Variants in TCF12 observed in about 807,000 individuals in gnomAD.
TCF12 encodes DNA-binding protein HTF4.
Under a neutral mutation model 86.0 loss-of-function variants are expected in TCF12, and 45 were observed. That is an observed-to-expected ratio of 0.52 (90% CI 0.41 to 0.67). The LOEUF is 0.67. Among genes scored for constraint, TCF12 ranks in the 30% least tolerant of loss-of-function variants. The probability of loss-of-function intolerance (pLI) is 0.00; values close to 1 mark genes in which losing one functional copy is unlikely to be tolerated. For missense variants in TCF12, 881 were observed against 859.9 expected, an observed-to-expected ratio of 1.02 and a Z score of -0.31; for synonymous variants, 330 against 299.6, an observed-to-expected ratio of 1.10 and a Z score of -1.05.
chr15:57,213,065 C>A (rs1229717356), intron 8 of TCF12, among the ~76,000 whole-genome samples: 1 of 152,178 alleles, frequency 6.6e-6, no homozygotes, highest in African/African-American at 2.4e-5. Context: ...TTCCCAGTGT[C>A]TGTTTAGGGA....
chr15:57,236,967 T>A (rs2059406063), intron 12 of TCF12, among the ~76,000 whole-genome samples: 1 of 151,936 alleles, frequency 6.6e-6, no homozygotes, highest in African/African-American at 2.4e-5. Flanking sequence ...CCGTGGAGAG[T>A]TATATAGAGG....
intron 9 of TCF12, 79 bp downstream of exon 9, chr15:57,231,336 G>T: frequency 8.6e-7 from 1 of 1,159,856 alleles, no homozygotes. Context: ...TTAGGAAAGA[G>T]AATACCTATA....
intron 3 of TCF12, among the ~76,000 whole-genome samples, chr15:57,057,973 G>C (rs1265756294): frequency 6.6e-6 from 1 of 152,148 alleles, no homozygotes; most frequent in Admixed American, 6.5e-5. Context: ...GAGAATACTT[G>C]GTTCTCAGGT....
At chr15:57,180,832 T>G (rs1299341475) in intron 6 of TCF12, among the ~76,000 whole-genome samples, 1 of 107,132 alleles carries the variant, frequency 9.3e-6, no homozygotes, top group Non-Finnish European at 2.1e-5. Flanking sequence ...TTTTTTTTTT[T>G]GAGATGGAGT....
rs150499558 is a variant in TCF12, at chr15:56,924,902, A to G, written c.148+3804A>G. On this transcript the variant is annotated intron_variant, in intron 3 of 20. Coordinates refer to ENST00000333725, the MANE Select transcript of TCF12 (RefSeq NM_207037.2). ...GTATACTTTTCAGGACAATTCCTGA[A>G]CAATTGAAAAACAAGGTCGGGTGTG... 3.7e-3 allele frequency among the ~76,000 whole-genome samples: 567 copies of G among 152,354 alleles called. 4 individuals are homozygous for G. The highest frequency in any genetic ancestry group is 0.013 in the African/African-American group (548 of 41,588).
chr15:57,055,167 G>A (rs563206865), intron 3 of TCF12, among the ~76,000 whole-genome samples: 5 of 152,202 alleles, frequency 3.3e-5, no homozygotes, highest in East Asian at 3.9e-4. Context: ...TTGGGAGGCC[G>A]AAGCAGGCGA....
chr15:57,150,327 G>A (rs1184568152), intron 5 of TCF12, among the ~76,000 whole-genome samples: 1 of 152,120 alleles, frequency 6.6e-6, no homozygotes, highest in African/African-American at 2.4e-5. Context: ...CACAAAGCTG[G>A]GAATAATTCT....
intron 5 of TCF12, among the ~76,000 whole-genome samples, chr15:57,114,205 A>G (rs1167130960): frequency 1.3e-5 from 2 of 152,180 alleles, no homozygotes; most frequent in Non-Finnish European, 2.9e-5. Context: ...TTACTCTATC[A>G]GGAGCTTGTT....
At chr15:57,058,133 A>G (rs1425680303) in intron 3 of TCF12, among the ~76,000 whole-genome samples, 2 of 152,206 alleles carry the variant, frequency 1.3e-5, no homozygotes, top group South Asian at 2.1e-4. Flanking sequence ...ATATCACTAT[A>G]TAGTTCCCAT....
At chr15:57,081,411 C>T (rs1330492796) in intron 4 of TCF12, among the ~76,000 whole-genome samples, 1 of 152,106 alleles carries the variant, frequency 6.6e-6, no homozygotes, top group Non-Finnish European at 1.5e-5. Flanking sequence ...CTTGCCTCAT[C>T]TGTGGAATGG....
chr15:57,055,909 C>A (rs1283431647), intron 3 of TCF12, among the ~76,000 whole-genome samples: 1 of 152,124 alleles, frequency 6.6e-6, no homozygotes, highest in Non-Finnish European at 1.5e-5. Flanking sequence ...TTTGTTCTCT[C>A]ATTATACCTA....
chr15:57,126,351 A>G (rs1192938365), intron 5 of TCF12, among the ~76,000 whole-genome samples: 2 of 152,170 alleles, frequency 1.3e-5, no homozygotes, highest in Non-Finnish European at 2.9e-5. Flanking sequence ...AATCATCCTT[A>G]TAAAGTTATT....
intron 5 of TCF12, among the ~76,000 whole-genome samples, chr15:57,149,928 G>C (rs1459513732): frequency 6.6e-6 from 1 of 152,088 alleles, no homozygotes; most frequent in African/African-American, 2.4e-5. Flanking sequence ...GGGTTTCTAA[G>C]AGGTATAAAA....
At chr15:57,281,128 G>A (rs2152127924) in intron 19 of TCF12, among the ~76,000 whole-genome samples, 1 of 139,856 alleles carries the variant, frequency 7.2e-6, no homozygotes, top group South Asian at 2.3e-4. Flanking sequence ...TTTTGAGACA[G>A]GGTCTTGCTC....
intron 3 of TCF12, among the ~76,000 whole-genome samples, chr15:57,024,849 G>A (rs1432850228): frequency 1.3e-5 from 2 of 152,306 alleles, no homozygotes; most frequent in Non-Finnish European, 2.9e-5. Context: ...AGGTAGGTAA[G>A]GGAGAGGAAC....
At chr15:56,970,741 AAGAC>A (rs1295748995) in intron 3 of TCF12, among the ~76,000 whole-genome samples, 1 of 151,762 alleles carries the variant, frequency 6.6e-6, no homozygotes, top group African/African-American at 2.4e-5. Flanking sequence ...ACAAAGTCAA[AAGAC>A]AGATAGAAAA....
At chr15:56,984,372 C>T (rs2063074020) in intron 3 of TCF12, among the ~76,000 whole-genome samples, 1 of 149,546 alleles carries the variant, frequency 6.7e-6, no homozygotes, top group Admixed American at 6.7e-5. Context: ...TTGTTTCATC[C>T]TTGTGCTAGC....
At chr15:57,119,152 G>A (rs377537659) in intron 5 of TCF12, among the ~76,000 whole-genome samples, 9 of 151,968 alleles carry the variant, frequency 5.9e-5, no homozygotes, top group Admixed American at 6.6e-5. Flanking sequence ...GAGTGCAGTG[G>A]CACGATCTCA....
chr15:56,920,023 C>A, intron 2 of TCF12, 35 bp downstream of exon 2: 1 of 1,611,822 alleles, frequency 6.2e-7, no homozygotes, highest in African/African-American at 1.3e-5. Flanking sequence ...TGGGGTTCTG[C>A]TGAGGTTTTT....
Sources: gnomAD v4.1 joint callset for allele counts (sites outside exome capture counted in the v4.1 genomes callset) on GRCh38, gnomAD v4.1.1 for gene constraint, MANE v1.5 for transcripts, NCBI Gene and HGNC (gene_info 2026-07-23, HGNC 2026-07-21) for gene names.